The following RASGRP1 variants were observed in gnomAD, a reference collection of about 807,000 sequenced individuals.
RASGRP1 encodes the protein RAS guanyl-releasing protein 1.
In RASGRP1, 37 loss-of-function variants were observed where a neutral mutation model predicts 95.1. The ratio of observed to expected loss-of-function variants is 0.39; its 90% CI spans 0.30 to 0.51. The LOEUF is 0.51. RASGRP1 is among the 20% of genes least tolerant of loss of function. The probability of loss-of-function intolerance (pLI) is 0.80; values close to 1 mark genes in which losing one functional copy is unlikely to be tolerated. For synonymous variants in RASGRP1, 325 were observed against 353.4 expected, an observed-to-expected ratio of 0.92 and a Z score of 0.90; for missense variants, 711 against 965.4, an observed-to-expected ratio of 0.74 and a Z score of 3.49.
intron 2 of RASGRP1, among the ~76,000 whole-genome samples, chr15:38,529,069 A>G (rs1351595498): frequency 1.3e-5 from 2 of 152,028 alleles, no homozygotes; most frequent in African/African-American, 2.4e-5. Flanking sequence ...TCTTGATTCT[A>G]CCTCCAATAT....
chr15:38,511,225 G>A (rs1012292291), intron 8 of RASGRP1, among the ~76,000 whole-genome samples: 6 of 152,152 alleles, frequency 3.9e-5, no homozygotes, highest in African/African-American at 1.4e-4. Flanking sequence ...TGTGCAAACT[G>A]ACCTATGGTC....
At chr15:38,519,488 G>A (rs1370323484) in intron 3 of RASGRP1, 117 bp from the exon 4 acceptor site, 4 of 788,020 alleles carry the variant, frequency 5.1e-6, no homozygotes, top group Non-Finnish European at 8.3e-6. Flanking sequence ...AAATGAAAAT[G>A]TGATGCTTTA....
chr15:38,521,187 A>G (rs891856768), intron 3 of RASGRP1, among the ~76,000 whole-genome samples: 2 of 152,334 alleles, frequency 1.3e-5, no homozygotes, highest in East Asian at 1.9e-4. Context: ...CATCACTTCA[A>G]TGCAAAGAGA....
intron 13 of RASGRP1, among the ~76,000 whole-genome samples, chr15:38,500,612 C>T (rs528985245): frequency 3.2e-4 from 48 of 152,166 alleles, no homozygotes; most frequent in Admixed American, 2.5e-3. Context: ...TCCCAAAGTG[C>T]TGGGATTACA....
At chr15:38,514,120 G>A (rs1244016604) in intron 6 of RASGRP1, among the ~76,000 whole-genome samples, 1 of 152,054 alleles carries the variant, frequency 6.6e-6, no homozygotes, top group African/African-American at 2.4e-5. Flanking sequence ...ACAGGAGGTG[G>A]GTGGGTGGGG....
chr15:38,516,241 C>T lies in RASGRP1; in HGVS notation c.631G>A (p.Glu211Lys), dbSNP rs1158997965. The T allele has an allele frequency of 7.5e-6, 12 of 1,602,752 alleles. No individual in the cohort carries two copies. The highest frequency in any genetic ancestry group is 1.1e-5 in the South Asian group (1 of 90,814). Residue 211 changes from glutamate to lysine, a missense_variant, in exon 6 of 17, where the codon GAG (glutamate) becomes AAG (lysine). By Grantham distance (56) the Glu-to-Lys change is moderately conservative. Coordinates refer to ENST00000310803, the MANE Select transcript of RASGRP1 (RefSeq NM_005739.4). ...TTGAACTCAAGGTAGGTGAGGTGCT[C>T]GGATAGCTCTTCTGGTTCCAGATGG... ...FDHLEPEELS[E>K]HLTYLEFKSF...
At position 38,512,873 on chromosome 15, in the gene RASGRP1, G is replaced by A; in HGVS notation, c.759C>T (p.Gly253=). 1 of 1,613,310 alleles carries A rather than the reference G, an allele frequency of 6.2e-7. No homozygotes were observed. The highest frequency in any genetic ancestry group is 8.5e-7 in the Non-Finnish European group (1 of 1,179,652). ...CCATCAGTTGTACCCACTGGGAGATGCCGTTGCACAGAGCAATAGATCGCT... is the reference window on the plus strand; with the variant it reads ...CCATCAGTTGTACCCACTGGGAGATACCGTTGCACAGAGCAATAGATCGCT... ...TMERSIALCN[G]ISQWVQLMVL... Residue 253 remains glycine (G), a synonymous_variant, in exon 7 of 17, where the codon GGC becomes GGT. Coordinates refer to ENST00000310803, the MANE Select transcript of RASGRP1 (RefSeq NM_005739.4).
Position 38,490,628 on chromosome 15 carries a change from T to C in RASGRP1, c.2320A>G (p.Lys774Glu). 3.1e-6 allele frequency: 5 copies of C among 1,613,446 alleles called. No homozygotes were observed. The highest frequency in any genetic ancestry group is 4.2e-6 in the Non-Finnish European group (5 of 1,179,490). ...ALKIQLKYAQ[K>E]KIESLQLEKS... is the part of the protein sequence containing the mutation. ...TCAAGCTGGAGGGATTCTATTTTCT[T>C]CTGTGCATATTTCAGTTGGATCTTT... The change falls in exon 17 of 17, where the codon AAG (lysine) becomes GAG (glutamate). Residue 774 changes from lysine (K) to glutamate (E), a missense_variant. By Grantham distance (56) the Lys-to-Glu change is moderately conservative. Around this residue, in one of 3 missense-constraint regions of RASGRP1, gnomAD observed 212 missense variants for 247.8 expected, o/e 0.86. Coordinates refer to ENST00000310803, the MANE Select transcript of RASGRP1 (RefSeq NM_005739.4).
intron 2 of RASGRP1, among the ~76,000 whole-genome samples, chr15:38,536,510 A>G (rs1243604114): frequency 1.3e-5 from 2 of 152,260 alleles, no homozygotes; most frequent in African/African-American, 4.8e-5. Context: ...GGCACGAAGA[A>G]GCAACTTGGA....
chr15:38,550,295 G>T (rs907110041), intron 2 of RASGRP1, among the ~76,000 whole-genome samples: 12 of 141,622 alleles, frequency 8.5e-5, no homozygotes, highest in Non-Finnish European at 1.8e-4. Flanking sequence ...ACAGACAAAA[G>T]ATCTTTTCTT....
intron 16 of RASGRP1, among the ~76,000 whole-genome samples, chr15:38,491,927 T>C (rs1366235908): frequency 2.0e-5 from 3 of 152,220 alleles, no homozygotes; most frequent in African/African-American, 7.2e-5. Flanking sequence ...TTCATCGGCA[T>C]GTAAAATGTC....
chr15:38,500,626 A>G (rs981065613), intron 13 of RASGRP1, among the ~76,000 whole-genome samples: 1 of 152,188 alleles, frequency 6.6e-6, no homozygotes, highest in African/African-American at 2.4e-5. Context: ...GATTACAGGC[A>G]TGAGCCACCA....
chr15:38,564,391 C>G (rs1433862519), intron 1 of RASGRP1, among the ~76,000 whole-genome samples: 1 of 152,128 alleles, frequency 6.6e-6, no homozygotes, highest in Non-Finnish European at 1.5e-5. Context: ...ACCCCTCAGC[C>G]CCAGCTCCCT....
At chr15:38,551,398 G>C (rs111461157) in intron 2 of RASGRP1, among the ~76,000 whole-genome samples, 1 of 152,144 alleles carries the variant, frequency 6.6e-6, no homozygotes, top group African/African-American at 2.4e-5. Flanking sequence ...GTTACAAAGC[G>C]ACCAGTCCAA....
At chr15:38,490,832 T>A in intron 16 of RASGRP1, 144 bp from the exon 17 acceptor site, 1 of 887,688 alleles carries the variant, frequency 1.1e-6, no homozygotes, top group Non-Finnish European at 1.7e-6. Context: ...TATTTTGCCC[T>A]GAATAGAAAA....
At chr15:38,532,051 A>C (rs2141150060) in intron 2 of RASGRP1, among the ~76,000 whole-genome samples, 1 of 152,200 alleles carries the variant, frequency 6.6e-6, no homozygotes, top group East Asian at 1.9e-4. Flanking sequence ...TTGAAAGACG[A>C]GATTTTCAAA....
Position 38,512,909 on chromosome 15 carries a change from G to A in RASGRP1, c.723C>T (p.Asn241=), listed in dbSNP as rs1231907436. 2 of 1,599,170 alleles carry A rather than the reference G, an allele frequency of 1.3e-6. No individual in the cohort carries two copies. Among genetic ancestry groups the A allele is most frequent in the Non-Finnish European group, 8.5e-7 (1 of 1,174,782 alleles). The part of the protein sequence containing the change: ...NYLVNSCVKE[N]PTMERSIALC... ...GAGCAATAGATCGCTCCATGGTGGG[G>A]TTTTCCTTCACACAGCTATTTACAA... is the stretch of plus-strand genomic sequence containing the variant. The change falls in exon 7 of 17, where the codon AAC becomes AAT. Residue 241 remains asparagine (N), a synonymous_variant. Coordinates refer to ENST00000310803, the MANE Select transcript of RASGRP1 (RefSeq NM_005739.4).
intron 7 of RASGRP1, among the ~76,000 whole-genome samples, chr15:38,512,498 G>A (rs1343003157): frequency 6.6e-6 from 1 of 152,208 alleles, no homozygotes; most frequent in African/African-American, 2.4e-5. Context: ...AATAATGTAG[G>A]CTGGTAAGCA....
At chr15:38,500,053 G>A (rs938745680) in intron 14 of RASGRP1, 50 bp downstream of exon 14, 37 of 1,575,950 alleles carry the variant, frequency 2.3e-5, no homozygotes, top group African/African-American at 8.1e-5. Context: ...CTATAGCAGC[G>A]TGAGAATGGA....
Sources: allele counts gnomAD v4.1 joint callset (sites outside exome capture counted in the v4.1 genomes callset), GRCh38; gene constraint gnomAD v4.1.1; regional missense constraint gnomAD v4.1.1; transcripts MANE v1.5; gene names NCBI Gene and HGNC (gene_info 2026-07-23, HGNC 2026-07-21).